The following CHRM3 variants were observed in gnomAD, a reference collection of about 807,000 sequenced individuals.
The protein encoded by CHRM3 is muscarinic acetylcholine receptor M3.
In CHRM3, 11 loss-of-function variants were observed where a neutral mutation model predicts 41.8. The observed-to-expected ratio is 0.26, with a 90% CI of 0.17 to 0.44. CHRM3 has a LOEUF of 0.44. Ranked by LOEUF, CHRM3 falls within the 20% of genes least tolerant of loss-of-function variation. The pLI, the probability that CHRM3 is intolerant of heterozygous loss-of-function variation, is 1.00. For synonymous variants in CHRM3, 297 were observed against 301.4 expected (o/e 0.99, Z 0.15); for missense variants, 571 against 745.4 (o/e 0.77, Z 2.72).
intron 3 of CHRM3, among the ~76,000 whole-genome samples, chr1:239,563,350 T>C (rs1055030123): frequency 1.3e-5 from 2 of 152,130 alleles, no homozygotes; most frequent in Non-Finnish European, 2.9e-5. Context: ...GGCATAAAAT[T>C]GCTTAAAGCA....
chr1:239,682,594 A>G (rs1571967861), intron 5 of CHRM3, among the ~76,000 whole-genome samples: 1 of 152,210 alleles, frequency 6.6e-6, no homozygotes, highest in Admixed American at 6.5e-5. Context: ...CCCTTTAATC[A>G]GAGAGTTTCC....
intron 3 of CHRM3, among the ~76,000 whole-genome samples, chr1:239,602,061 T>G (rs1354944186): frequency 6.8e-6 from 1 of 146,124 alleles, no homozygotes; most frequent in Non-Finnish European, 1.5e-5. Context: ...TATACATATA[T>G]GCACACATAT....
At chr1:239,746,845 C>T (rs191739377) in intron 5 of CHRM3, among the ~76,000 whole-genome samples, 219 of 152,062 alleles carry the variant, frequency 1.4e-3, no homozygotes, top group South Asian at 9.6e-3. Context: ...GCAACCTCTG[C>T]CTCCCGGGTT....
At position 239,448,321 on chromosome 1, in the gene CHRM3, T is replaced by G. The variant is rs1664301222; in HGVS notation, c.-520-44388T>G. On this transcript the variant is annotated intron_variant, in intron 1 of 6. Transcript: ENST00000676153. The stretch of plus-strand genomic sequence containing the variant: ...GGGAGATGCAATATAAAATTCACTT[T>G]CTAGATTGGAGGAGTTTTAGTCACT... Among the ~76,000 whole-genome samples, 7 of 152,010 alleles carry G rather than the reference T, an allele frequency of 4.6e-5. No homozygotes were observed. The South Asian group carries it at 1.5e-3, about 31-fold the overall frequency.
intron 2 of CHRM3, among the ~76,000 whole-genome samples, chr1:239,507,079 G>C (rs114780252): frequency 0.013 from 1,964 of 152,242 alleles, 34 homozygotes; most frequent in South Asian, 0.038. Context: ...AGGGACTTGC[G>C]TTGTTTTTGA....
chr1:239,567,540 G>C (rs1331697112), intron 3 of CHRM3, among the ~76,000 whole-genome samples: 3 of 152,084 alleles, frequency 2.0e-5, no homozygotes, highest in Non-Finnish European at 4.4e-5. Flanking sequence ...CTGGTTTTAG[G>C]TAACAACTTA....
intron 1 of CHRM3, among the ~76,000 whole-genome samples, chr1:239,391,586 G>A (rs928502701): frequency 6.6e-6 from 1 of 152,084 alleles, no homozygotes; most frequent in Non-Finnish European, 1.5e-5. Context: ...AAGGACTCTG[G>A]CTGACGTGCA....
intron 1 of CHRM3, among the ~76,000 whole-genome samples, chr1:239,451,817 A>C (rs1224524036): frequency 6.6e-6 from 1 of 152,130 alleles, no homozygotes; most frequent in Non-Finnish European, 1.5e-5. Context: ...TACATAAAAG[A>C]TGTGATCTTG....
intron 5 of CHRM3, among the ~76,000 whole-genome samples, chr1:239,749,649 C>G (rs534777654): frequency 1.1e-3 from 168 of 152,244 alleles, no homozygotes; most frequent in Non-Finnish European, 1.9e-3. Flanking sequence ...GCCTGGGTGA[C>G]AGAGCAAGAC....
rs566817659 is a variant in CHRM3 at position 239,688,121 on chromosome 1, A to G, written c.-147+9833A>G. On this transcript the variant is annotated intron_variant, in intron 5 of 6. Transcript: ENST00000676153. ...TGATACTTTGTTACTTTTTCTTTTA[A>G]TATATTGCAAGGTTTTTCACTGATC... 2.4e-3 allele frequency among the ~76,000 whole-genome samples: 369 copies of G among 151,764 alleles called. 5 individuals are homozygous for G. The highest frequency in any genetic ancestry group is 4.4e-4 in the Non-Finnish European group (30 of 67,874).
intron 3 of CHRM3, among the ~76,000 whole-genome samples, chr1:239,550,310 G>A (rs773390915): frequency 1.1e-4 from 17 of 152,090 alleles, no homozygotes; most frequent in Admixed American, 3.3e-4. Context: ...CTTCTGTACT[G>A]TGTGCATGCC....
intron 1 of CHRM3, among the ~76,000 whole-genome samples, chr1:239,473,185 A>G (rs899089977): frequency 2.6e-5 from 4 of 151,404 alleles, no homozygotes; most frequent in Non-Finnish European, 1.5e-5. Flanking sequence ...GAAAATCTTT[A>G]TGAACTCAGG....
chr1:239,877,645 A>C (rs1677217122), intron 6 of CHRM3, among the ~76,000 whole-genome samples: 1 of 152,198 alleles, frequency 6.6e-6, no homozygotes, highest in Admixed American at 6.5e-5. Context: ...TGAATTTCTT[A>C]AGGCCGTACA....
At chr1:239,686,652 T>C (rs1347605624) in intron 5 of CHRM3, among the ~76,000 whole-genome samples, 4 of 152,232 alleles carry the variant, frequency 2.6e-5, no homozygotes, top group Non-Finnish European at 2.9e-5. Context: ...ATCCTCACCA[T>C]ATTCATCATA....
chr1:239,389,891 C>T (rs1415840319), intron 1 of CHRM3, among the ~76,000 whole-genome samples: 1 of 152,128 alleles, frequency 6.6e-6, no homozygotes, highest in African/African-American at 2.4e-5. Flanking sequence ...GAAGTTTATA[C>T]TGGGAACAGC....
intron 6 of CHRM3, among the ~76,000 whole-genome samples, chr1:239,861,855 A>G (rs1224572913): frequency 6.6e-6 from 1 of 152,212 alleles, no homozygotes; most frequent in Non-Finnish European, 1.5e-5. Context: ...TAATAAGAAA[A>G]CTGACTAAAT....
chr1:239,390,340 A>G (rs1046424993), intron 1 of CHRM3, among the ~76,000 whole-genome samples: 3 of 152,186 alleles, frequency 2.0e-5, no homozygotes, highest in African/African-American at 7.2e-5. Context: ...GCCTTTCAGA[A>G]CTTTGGAATA....
intron 5 of CHRM3, among the ~76,000 whole-genome samples, chr1:239,694,262 A>AT (rs1352695123): frequency 6.6e-6 from 1 of 152,248 alleles, no homozygotes; most frequent in Admixed American, 6.5e-5. Context: ...ATTGTAATGA[A>AT]GACAATTTCA....
chr1:239,800,845 A>T (rs558892056), intron 5 of CHRM3, among the ~76,000 whole-genome samples: 1 of 152,360 alleles, frequency 6.6e-6, no homozygotes, highest in South Asian at 2.1e-4. Context: ...ACATTTGATT[A>T]AAAAATGTGA....
Sources: allele counts gnomAD v4.1 joint callset (sites outside exome capture counted in the v4.1 genomes callset), GRCh38; gene constraint gnomAD v4.1.1; transcripts MANE v1.5; gene names NCBI Gene and HGNC (gene_info 2026-07-23, HGNC 2026-07-21).